UBR4: variants seen among roughly 807,000 people sequenced by gnomAD.
UBR4 encodes ubiquitin protein ligase E3 component n-recognin 4.
Under a neutral mutation model 575.6 loss-of-function variants are expected in UBR4, and 124 were observed. The observed-to-expected ratio is 0.22, with a 90% confidence interval of 0.19 to 0.25. The LOEUF is 0.25. Among genes scored for constraint, UBR4 ranks in the 10% least tolerant of loss-of-function variants. The pLI is 1.00. For missense variants in UBR4, 4,818 were observed against 6,478.8 expected, an observed-to-expected ratio of 0.74 and a Z score of 8.80; for synonymous variants, 2,455 against 2,473.7, an observed-to-expected ratio of 0.99 and a Z score of 0.22.
intron 103 of UBR4, 91 bp from the exon 104 acceptor site, chr1:19,078,157 C>A: frequency 1.5e-6 from 2 of 1,346,792 alleles, no homozygotes; most frequent in South Asian, 1.2e-5. Context: ...AGGGAAGAGT[C>A]ACAGTGGTGT....
chr1:19,110,488 T>A lies in UBR4; in HGVS notation c.11893-24A>T. 1 of 1,612,174 alleles carries A rather than the reference T, an allele frequency of 6.2e-7. No homozygotes were observed. The highest frequency in any genetic ancestry group is 8.5e-7 in the Non-Finnish European group (1 of 1,178,582). ...GCCTAGAAGGCAATGGGAAGAGACA[T>A]GAGTCAAGAGGGTCAGCTCCGGTCC... On this transcript the variant is annotated intron_variant, in intron 79 of 105. Coordinates refer to ENST00000375254, the MANE Select transcript of UBR4 (RefSeq NM_020765.3). The surrounding 1 kb of genome is among the most constrained non-coding windows in gnomAD (Gnocchi z 4.5).
At position 19,093,491 on chromosome 1, in the gene UBR4, G is replaced by A. The variant is rs757561735; in HGVS notation, c.13938-5C>T. 5 of 1,613,944 alleles carry A rather than the reference G, an allele frequency of 3.1e-6. No individual in the cohort carries two copies. In the East Asian group the frequency reaches 1.1e-4, roughly 36 times the overall value. On this transcript the variant is annotated splice_polypyrimidine_tract_variant and splice_region_variant and intron_variant, in intron 95 of 105. Coordinates refer to ENST00000375254, the MANE Select transcript of UBR4 (RefSeq NM_020765.3). The surrounding 1 kb of genome is among the most constrained non-coding windows in gnomAD (Gnocchi z 4.8). ...CCACTGTGATCTTCATCATATCTAGGAGGAAAGAGCAGAGTTTGAGGGTGT... is the reference window on the plus strand; with the variant it reads ...CCACTGTGATCTTCATCATATCTAGAAGGAAAGAGCAGAGTTTGAGGGTGT...
intron 8 of UBR4, among the ~76,000 whole-genome samples, chr1:19,196,157 T>G (rs747533089): frequency 6.6e-6 from 1 of 152,196 alleles, no homozygotes; most frequent in Non-Finnish European, 1.5e-5. Flanking sequence ...CTTTCTCAAC[T>G]GAAAGTGAGC....
rs775689345 is a variant in UBR4, at chr1:19,095,615, T to G, written c.13556A>C (p.Lys4519Thr). Residue 4519 changes from lysine (K) to threonine (T), a missense_variant, in exon 93 of 106, where the codon AAA (lysine) becomes ACA (threonine). Transcript: ENST00000375254. ...LKLFSYCVKVKVNRQQLVKLE... is the reference protein window; with the variant it reads ...LKLFSYCVKVTVNRQQLVKLE... ...TTTGACCAGTTGCTGCCGGTTGACT[T>G]TCACCTTCACGCAGTAACTGAACAA... 1 of 1,614,102 alleles carries G rather than the reference T, an allele frequency of 6.2e-7. No homozygotes were observed. The highest frequency in any genetic ancestry group is 8.5e-7 in the Non-Finnish European group (1 of 1,179,992).
At chr1:19,128,631 G>T (rs990318094) in intron 61 of UBR4, among the ~76,000 whole-genome samples, 1 of 152,172 alleles carries the variant, frequency 6.6e-6, no homozygotes, top group African/African-American at 2.4e-5. Context: ...AAGAATTAAA[G>T]AACAGTTTTG....
Position 19,153,758 on chromosome 1 carries a change from T to C in UBR4, c.6630+10A>G. On this transcript the variant is annotated intron_variant, in intron 45 of 105. Coordinates refer to ENST00000375254, the MANE Select transcript of UBR4 (RefSeq NM_020765.3). This position sits in a 1 kb window ranked among gnomAD's most constrained non-coding sequence, Gnocchi z 4.1. ...CAGCAAAGTAATGAATGGGAAAATC[T>C]GGCACTGACCTTCGCTTTAGCAGGA... 1 of 1,611,464 alleles carries C rather than the reference T, an allele frequency of 6.2e-7. No homozygotes were observed.
At position 19,122,051 on chromosome 1, in the gene UBR4, C is replaced by T. The variant is rs1373904824; in HGVS notation, c.9817-39G>A. 17 of 1,604,454 alleles carry T rather than the reference C, an allele frequency of 1.1e-5. No individual in the cohort carries two copies. In the East Asian group the frequency reaches 2.9e-4, roughly 27 times the overall value. On this transcript the variant is annotated intron_variant, in intron 66 of 105. Transcript: ENST00000375254. ...CAACCACGGGAAAGGAGTAACTCCA[C>T]CACATTGCCCAGACAAGCACCACAC...
chr1:19,156,838 C>A lies in UBR4; in HGVS notation c.5848G>T (p.Val1950Phe), dbSNP rs371132016. The A allele has an allele frequency of 3.1e-6, 5 of 1,614,170 alleles. No individual in the cohort carries two copies. The highest frequency in any genetic ancestry group is 4.2e-6 in the Non-Finnish European group (5 of 1,180,018). The change falls in exon 41 of 106, where the codon GTT (valine) becomes TTT (phenylalanine). Residue 1950 changes from valine (V) to phenylalanine (F), a missense_variant. Coordinates refer to ENST00000375254, the MANE Select transcript of UBR4 (RefSeq NM_020765.3). ...LTLTRLASAP[V>F]PFTVLSLTGN... is the part of the protein sequence containing the mutation. ...GTGAGGCTCAACACAGTAAAAGGAA[C>A]TGGGGCAGAAGCCAAGCGGGTCAGA...
Position 19,115,284 on chromosome 1 carries a change from A to T in UBR4, c.11063+114T>A, listed in dbSNP as rs2080396534. 3.4e-6 allele frequency: 5 copies of T among 1,450,240 alleles called. No homozygotes were observed. The South Asian group carries it at 7.0e-5, about 20-fold the overall frequency. The allele number at this position is 1,450,240 out of a possible 1,614,324, so 89.8% of individuals were successfully genotyped here. A position where few individuals can be genotyped will look rare whatever the true frequency, so the allele number is the denominator to read the frequency against. ...CTTGAACCCACTCTACAAACCCATA[A>T]TTCTCTAAATGTTCTGAGGGAATCA... On this transcript the variant is annotated intron_variant, in intron 74 of 105. Transcript: ENST00000375254.
intron 13 of UBR4, 28 bp from the exon 14 acceptor site, chr1:19,186,685 A>C: frequency 6.2e-7 from 1 of 1,606,924 alleles, no homozygotes; most frequent in South Asian, 1.1e-5. Flanking sequence ...ACAAAACCGG[A>C]GCCATCCTAT....
At chr1:19,154,800 G>T in intron 44 of UBR4, 118 bp downstream of exon 44, 2 of 1,430,932 alleles carry the variant, frequency 1.4e-6, no homozygotes, top group Non-Finnish European at 1.9e-6. Context: ...GAGAAAAAAA[G>T]GTTGGCTGGA....
intron 8 of UBR4, among the ~76,000 whole-genome samples, chr1:19,196,774 T>C (rs937470396): frequency 2.0e-5 from 3 of 152,260 alleles, no homozygotes; most frequent in African/African-American, 4.8e-5. Flanking sequence ...TACTGTTTTA[T>C]ATTATACTAT....
Position 19,198,824 on chromosome 1 carries a change from G to C in UBR4, c.483C>G (p.Pro161=). ...CGTCTGAAAGTGTCTTCACTGTTTG[G>C]GGCAGCTTGGCGGATTTCATCATTG... ...FTAMMKSAKL[P]QTVKTLSDVE... The change falls in exon 4 of 106, where the codon CCC becomes CCG. Residue 161 remains proline, a synonymous_variant. Transcript: ENST00000375254. 1 of 1,614,194 alleles carries C rather than the reference G, an allele frequency of 6.2e-7. No individual in the cohort carries two copies. Among genetic ancestry groups the C allele is most frequent in the Non-Finnish European group, 8.5e-7 (1 of 1,180,036 alleles).
In UBR4 at chr1:19,089,514, A is replaced by C. The variant is rs764304171; in HGVS notation, c.14212-537T>G. Among the ~76,000 whole-genome samples, 4 of 152,202 alleles carry C rather than the reference A, an allele frequency of 2.6e-5. No homozygotes were observed. Among genetic ancestry groups the C allele is most frequent in the Admixed American group, 6.5e-5 (1 of 15,270 alleles). On this transcript the variant is annotated intron_variant, in intron 97 of 105. Coordinates refer to ENST00000375254, the MANE Select transcript of UBR4 (RefSeq NM_020765.3). The surrounding 1 kb of genome is among the most constrained non-coding windows in gnomAD (Gnocchi z 4.3). ...CTACAAGCAGGTATGGACATGAAAA[A>C]CTTTAACAACAAAAAAGATATTAAC...
At position 19,168,168 on chromosome 1, in the gene UBR4, T is replaced by C; in HGVS notation, c.3758A>G (p.Asn1253Ser). The C allele has an allele frequency of 4.4e-6, 7 of 1,591,168 alleles. No individual in the cohort carries two copies. The highest frequency in any genetic ancestry group is 2.3e-5 in the East Asian group (1 of 44,118). The change falls in exon 28 of 106, where the codon AAT becomes AGT. Residue 1253 changes from asparagine (N) to serine (S), a missense_variant. By Grantham distance (46) the Asn-to-Ser change is conservative. Around this residue, in one of 29 missense-constraint regions of UBR4, gnomAD observed 1,172 missense variants for 1,259.7 expected, o/e 0.93. Transcript: ENST00000375254. ...ATAACTCTCTGAAGGGATGGTGTCA[T>C]TGGCAAAGGCATTGCGCTGAAAGGA... Reference protein sequence around the residue: ...NIGSWRNAFANDTIPSESYIS... With the variant: ...NIGSWRNAFASDTIPSESYIS...
intron 17 of UBR4, among the ~76,000 whole-genome samples, chr1:19,181,672 A>G (rs1364963754): frequency 6.6e-6 from 1 of 152,230 alleles, no homozygotes; most frequent in Non-Finnish European, 1.5e-5. Flanking sequence ...TATGTATTGA[A>G]CAAATGAACC....
rs1420808231 is a variant in UBR4 at position 19,120,254 on chromosome 1, C to T, written c.10236G>A (p.Leu3412=). 1.2e-6 allele frequency: 2 copies of T among 1,614,184 alleles called. No homozygotes were observed. The highest frequency in any genetic ancestry group is 1.1e-5 in the South Asian group (1 of 91,080). The stretch of plus-strand genomic sequence containing the variant: ...AATTGGACTCTAACAGGAAACAACG[C>T]AGGAACTGGATCAGGGTTTCCTTAT... ...FADKETLIQF[L]RCFLLESNSS... Residue 3412 remains leucine (L), a synonymous_variant, in exon 69 of 106, where the codon CTG becomes CTA. Coordinates refer to ENST00000375254, the MANE Select transcript of UBR4 (RefSeq NM_020765.3).
At position 19,148,135 on chromosome 1, in the gene UBR4, A is replaced by G. The variant is rs1470282509; in HGVS notation, c.7495-8T>C. The G allele has an allele frequency of 6.2e-7, 1 of 1,601,380 alleles. No individual in the cohort carries two copies. Among genetic ancestry groups the G allele is most frequent in the Admixed American group, 1.7e-5 (1 of 59,876 alleles). ...AGCATTCTTGTTTCTCTCCTAAGGC[A>G]AAAGACAGCAGGGTTATCACTAACC... On this transcript the variant is annotated splice_polypyrimidine_tract_variant and splice_region_variant and intron_variant, in intron 50 of 105. Transcript: ENST00000375254.
At chr1:19,206,344 T>A (rs2093009892) in intron 1 of UBR4, among the ~76,000 whole-genome samples, 1 of 152,038 alleles carries the variant, frequency 6.6e-6, no homozygotes, top group Non-Finnish European at 1.5e-5. Flanking sequence ...CTCTCTTTTT[T>A]TTTTTTTAGA....
Sources: allele counts gnomAD v4.1 joint callset (sites outside exome capture counted in the v4.1 genomes callset), GRCh38; gene constraint gnomAD v4.1.1; regional missense constraint gnomAD v4.1.1; non-coding constraint Gnocchi (gnomAD v3.1); transcripts MANE v1.5; gene names NCBI Gene and HGNC (gene_info 2026-07-23, HGNC 2026-07-21).